ABCA12: variants seen among roughly 807,000 people sequenced by gnomAD.
The protein encoded by ABCA12 is ATP binding cassette subfamily A member 12.
In ABCA12, 156 loss-of-function variants were observed where a neutral mutation model predicts 293.5. The ratio of observed to expected loss-of-function variants is 0.53; its 90% confidence interval spans 0.47 to 0.61. ABCA12 has a LOEUF of 0.61. ABCA12 is among the 20% of genes least tolerant of loss of function. ABCA12 has a pLI of 0.00. For synonymous variants in ABCA12, 1,063 were observed against 1,108.0 expected (o/e 0.96, Z 0.81); for missense variants, 2,797 against 3,090.2 (o/e 0.91, Z 2.25).
intron 23 of ABCA12, among the ~76,000 whole-genome samples, chr2:214,993,058 G>C (rs576016728): frequency 6.6e-6 from 1 of 151,600 alleles, no homozygotes; most frequent in Non-Finnish European, 1.5e-5. Flanking sequence ...TTTCTGCTTT[G>C]GTAACATCAC....
chr2:214,951,253 T>C (rs1698761305), intron 44 of ABCA12, among the ~76,000 whole-genome samples, 170 bp from the exon 45 acceptor site: 1 of 152,224 alleles, frequency 6.6e-6, no homozygotes, highest in African/African-American at 2.4e-5. Flanking sequence ...GTATAGACCC[T>C]CCTCACTGTA....
At chr2:214,967,665 A>G (rs935327560) in intron 38 of ABCA12, among the ~76,000 whole-genome samples, 2 of 152,176 alleles carry the variant, frequency 1.3e-5, no homozygotes, top group Non-Finnish European at 2.9e-5. Flanking sequence ...TGAAATCCCC[A>G]GCACCACTAA....
chr2:215,066,137 G>A (rs1701635557), intron 2 of ABCA12, among the ~76,000 whole-genome samples: 1 of 152,094 alleles, frequency 6.6e-6, no homozygotes, highest in Non-Finnish European at 1.5e-5. Flanking sequence ...TTACCACAGT[G>A]AACTGCATAT....
intron 48 of ABCA12, among the ~76,000 whole-genome samples, chr2:214,945,324 T>C (rs1439621802): frequency 2.0e-5 from 3 of 152,134 alleles, no homozygotes; most frequent in East Asian, 1.9e-4. Context: ...CTAAGTGAAG[T>C]TGACACCCTG....
intron 11 of ABCA12, 57 bp downstream of exon 11, chr2:215,025,616 T>G: frequency 2.7e-5 from 30 of 1,127,544 alleles, no homozygotes; most frequent in Non-Finnish European, 3.2e-5. Context: ...TTTTTGTTTG[T>G]TTTGTCTTTT....
intron 4 of ABCA12, among the ~76,000 whole-genome samples, 186 bp from the exon 5 acceptor site, chr2:215,052,770 T>C (rs939422894): frequency 6.6e-6 from 1 of 152,134 alleles, no homozygotes; most frequent in African/African-American, 2.4e-5. Context: ...TTTCTTTTCA[T>C]ATAAAATTGT....
intron 2 of ABCA12, among the ~76,000 whole-genome samples, chr2:215,081,063 C>T (rs552195604): frequency 6.6e-6 from 1 of 152,052 alleles, no homozygotes; most frequent in Non-Finnish European, 1.5e-5. Context: ...CAGTTTCTGG[C>T]CAGGAAAGAG....
In ABCA12 at chr2:214,956,848, C is replaced by T. The variant is rs565443353; in HGVS notation, c.6118-70G>A. The T allele has an allele frequency of 7.3e-6, 8 of 1,102,562 alleles. No individual in the cohort carries two copies. The African/African-American group carries it at 1.2e-4, about 17-fold the overall frequency. The allele number at this position is 1,102,562 out of a possible 1,614,324, so 68.3% of individuals were successfully genotyped here. A position where few individuals can be genotyped will look rare whatever the true frequency, so the allele number is the denominator to read the frequency against. ...TTCAAAAAAAAAAAAATCAATAACC[C>T]ATCTAGTTTAAAACTGCAACAAGTT... On this transcript the variant is annotated intron_variant, in intron 41 of 52. Transcript: ENST00000272895.
intron 27 of ABCA12, 38 bp from the exon 28 acceptor site, chr2:214,986,766 G>T: frequency 6.4e-7 from 1 of 1,564,770 alleles, no homozygotes; most frequent in Non-Finnish European, 8.8e-7. Flanking sequence ...AAACTCACAA[G>T]TAAGGTAATG....
At chr2:214,968,595 C>G in intron 38 of ABCA12, 125 bp downstream of exon 38, 2 of 891,590 alleles carry the variant, frequency 2.2e-6, no homozygotes, top group Non-Finnish European at 3.7e-6. Flanking sequence ...ACCACTGTGC[C>G]CTGGGTTATG....
Position 214,989,572 on chromosome 2 carries a change from C to A in ABCA12, c.3674G>T (p.Arg1225Leu). The change falls in exon 25 of 53, where the codon CGA becomes CTA. Residue 1225 changes from arginine to leucine, a missense_variant. This residue lies in a region of ABCA12 where 2,130 missense variants were observed against 2,427.0 expected (regional missense o/e 0.88). Coordinates refer to ENST00000272895, the MANE Select transcript of ABCA12 (RefSeq NM_173076.3). ...CCTACCAATGCCCTGTTCTTCGTAT[C>A]GTGCAATGTATTGGCTTGCATAGCT... is the stretch of plus-strand genomic sequence containing the variant. ...AFSYASQYIA[R>L]YEEQGIGLQW... is the part of the protein sequence containing the mutation. 6.2e-7 allele frequency: 1 copy of A among 1,614,108 alleles called. No individual in the cohort carries two copies. The highest frequency in any genetic ancestry group is 8.5e-7 in the Non-Finnish European group (1 of 1,179,986).
intron 39 of ABCA12, among the ~76,000 whole-genome samples, chr2:214,964,450 G>C (rs965258469): frequency 6.6e-6 from 1 of 152,188 alleles, no homozygotes; most frequent in African/African-American, 2.4e-5. Flanking sequence ...TTTGTTTGCA[G>C]TTGACATGAT....
At chr2:215,131,383 GA>G (rs1007201997) in intron 1 of ABCA12, among the ~76,000 whole-genome samples, 1 of 151,542 alleles carries the variant, frequency 6.6e-6, no homozygotes, top group Non-Finnish European at 1.5e-5. Flanking sequence ...TTTATCGGGA[GA>G]TTTTTTTTAT....
In ABCA12 at chr2:215,134,616, T is replaced by TATAGAG. The variant is rs1319987969; in HGVS notation, c.69+3523_69+3524insCTCTAT. ...CTCTCTCTCTATATATATATATATA[T>TATAGAG]AGAGAGAGAGAGAGAGAGAGAGAGA... On this transcript the variant is annotated intron_variant, in intron 1 of 52. Transcript: ENST00000272895. 5.0e-5 allele frequency among the ~76,000 whole-genome samples: 4 copies of TATAGAG among 80,650 alleles called. 1 individual carries two copies. Among genetic ancestry groups the TATAGAG allele is most frequent in the African/African-American group, 1.9e-4 (3 of 15,490 alleles). The allele number at this position is 80,650 out of a possible 152,430, so 52.9% of individuals were successfully genotyped here.
intron 3 of ABCA12, among the ~76,000 whole-genome samples, chr2:215,062,440 C>A (rs1264022872): frequency 6.6e-6 from 1 of 151,978 alleles, no homozygotes; most frequent in Non-Finnish European, 1.5e-5. Flanking sequence ...TTCTCATAGA[C>A]AATGTATCAT....
At position 215,018,051 on chromosome 2, in the gene ABCA12, A is replaced by G. The variant is rs1250789477; in HGVS notation, c.1739T>C (p.Ile580Thr). The part of the protein sequence containing the change: ...RRTTGMSNRT[I>T]DKLLAIPIPD... ...GATGGGAATGGCCAGCAACTTGTCA[A>G]TAGTCCTGTTGGACATTCCTGTTGT... The change falls in exon 14 of 53, where the codon ATT (isoleucine) becomes ACT (threonine). Residue 580 changes from isoleucine to threonine, a missense_variant. By Grantham distance (89) the Ile-to-Thr change is moderately conservative. Coordinates refer to ENST00000272895, the MANE Select transcript of ABCA12 (RefSeq NM_173076.3). 6 of 1,614,072 alleles carry G rather than the reference A, an allele frequency of 3.7e-6. No homozygotes were observed. Among genetic ancestry groups the G allele is most frequent in the Non-Finnish European group, 5.1e-6 (6 of 1,180,038 alleles).
intron 50 of ABCA12, among the ~76,000 whole-genome samples, chr2:214,942,275 C>T (rs527368729): frequency 6.6e-6 from 1 of 152,290 alleles, no homozygotes; most frequent in Admixed American, 6.5e-5. Context: ...CACAATGCCT[C>T]TTTCATCCTT....
intron 51 of ABCA12, among the ~76,000 whole-genome samples, chr2:214,934,535 C>A (rs1287011699): frequency 6.6e-6 from 1 of 152,208 alleles, no homozygotes; most frequent in Non-Finnish European, 1.5e-5. Flanking sequence ...ACATTATGCT[C>A]AGCTCACATA....
chr2:215,127,909 T>C (rs931147340), intron 1 of ABCA12, among the ~76,000 whole-genome samples: 2 of 152,230 alleles, frequency 1.3e-5, no homozygotes, highest in African/African-American at 4.8e-5. Context: ...TGATTTATTC[T>C]TTAAAGAGGT....
Sources: allele counts gnomAD v4.1 joint callset (sites outside exome capture counted in the v4.1 genomes callset), GRCh38; gene constraint gnomAD v4.1.1; regional missense constraint gnomAD v4.1.1; transcripts MANE v1.5; gene names NCBI Gene and HGNC (gene_info 2026-07-23, HGNC 2026-07-21).